FBN3: variants seen among roughly 807,000 people sequenced by gnomAD.
FBN3 encodes the protein fibrillin 3.
A neutral mutation model predicts 330.1 loss-of-function variants in FBN3; 234 were observed. The ratio of observed to expected loss-of-function variants is 0.71; its 90% CI spans 0.64 to 0.79. FBN3 has a LOEUF of 0.79. Ranked by LOEUF, FBN3 falls within the 30% of genes least tolerant of loss-of-function variation. The pLI is 0.00. For missense variants in FBN3, 3,606 were observed against 3,886.9 expected (o/e 0.93, Z 1.92); for synonymous variants, 1,458 against 1,517.3 (o/e 0.96, Z 0.91).
intron 40 of FBN3, among the ~76,000 whole-genome samples, chr19:8,102,511 C>G (rs1011950197): frequency 6.6e-6 from 1 of 152,182 alleles, no homozygotes; most frequent in South Asian, 2.1e-4. Context: ...AGCCACCACA[C>G]CCAGCCAAAC....
intron 10 of FBN3, 81 bp downstream of exon 10, chr19:8,138,060 G>C (rs1531547): frequency 0.91 from 1,314,138 of 1,437,216 alleles, 601,698 homozygotes; most frequent in African/African-American, 0.96. Flanking sequence ...CCTGGACACC[G>C]TCCCCTGTTT....
Position 8,123,494 on chromosome 19 carries a change from C to T in FBN3, c.3052G>A (p.Ala1018Thr), listed in dbSNP as rs140271593. The change falls in exon 24 of 64, where the codon GCC becomes ACC. Residue 1018 changes from alanine (A) to threonine (T), a missense_variant. Coordinates refer to ENST00000600128, the MANE Select transcript of FBN3 (RefSeq NM_032447.5). ...CAGTTCCGTTCCTGGGCATCCAGGG[C>T]GAAGCCCCCCGCACAGGCGCAGTGG... The part of the protein sequence containing the change: ...SFHCACAGGF[A>T]LDAQERNCTD... The T allele has an allele frequency of 1.5e-5, 25 of 1,613,832 alleles. No individual in the cohort carries two copies. The highest frequency in any genetic ancestry group is 1.6e-4 in the Middle Eastern group (1 of 6,084).
chr19:8,148,797 G>A (rs963406317), intron 1 of FBN3: 14 of 152,456 alleles, frequency 9.2e-5, no homozygotes, highest in Admixed American at 7.8e-4. Context: ...CAACGTTGGA[G>A]GGTTGGCTGG....
At chr19:8,080,597 A>G (rs548807363) in intron 59 of FBN3, among the ~76,000 whole-genome samples, 7 of 152,212 alleles carry the variant, frequency 4.6e-5, no homozygotes, top group Non-Finnish European at 7.4e-5. Flanking sequence ...CATGTCCCCA[A>G]TGTCCAATAC....
intron 63 of FBN3, among the ~76,000 whole-genome samples, chr19:8,068,230 C>CAAA (rs61181143): frequency 0.18 from 26,641 of 145,138 alleles, 3,049 homozygotes; most frequent in Middle Eastern, 0.29. Context: ...ACTAAAAATA[C>CAAA]AAAAAAAAAA....
chr19:8,079,436 AACAG>A (rs955299621), intron 59 of FBN3, among the ~76,000 whole-genome samples: 1 of 151,132 alleles, frequency 6.6e-6, no homozygotes, highest in African/African-American at 2.4e-5. Context: ...CAAACAAACA[AACAG>A]ACAGACAACA....
In FBN3 at chr19:8,145,947, A is replaced by G. The variant is rs1293781676; in HGVS notation, c.350-9T>C. The G allele has an allele frequency of 1.3e-6, 2 of 1,549,932 alleles. No homozygotes were observed. The highest frequency in any genetic ancestry group is 2.7e-5 in the African/African-American group (2 of 73,024). On this transcript the variant is annotated splice_polypyrimidine_tract_variant and intron_variant, in intron 4 of 63. Transcript: ENST00000600128. The stretch of plus-strand genomic sequence containing the variant: ...CACACTGCACCCTGACCCTGGGGAC[A>G]GGAAGGCAGGACGCATAGTAATGTG...
rs779591488 is a variant in FBN3, at chr19:8,136,307, C to A, written c.1348G>T (p.Val450Leu). The stretch of plus-strand genomic sequence containing the variant: ...CAGGGGCTGCTGGTGCATTCGTCTA[C>A]ATCTGAGGGGAGAGGACCCTGAGCC... ...TQDVRGECID[V>L]DECTSSPCHH... The change falls in exon 12 of 64, where the codon GTA becomes TTA. Residue 450 changes from valine (V) to leucine (L), a missense_variant and splice_region_variant. Transcript: ENST00000600128. The A allele has an allele frequency of 1.2e-6, 2 of 1,602,108 alleles. No individual in the cohort carries two copies. Among genetic ancestry groups the A allele is most frequent in the Non-Finnish European group, 1.7e-6 (2 of 1,174,704 alleles).
rs527308526 is a variant in FBN3 at position 8,084,897 on chromosome 19, T to G, written c.7087+466A>C. 2.0e-5 allele frequency among the ~76,000 whole-genome samples: 3 copies of G among 151,124 alleles called. No individual in the cohort carries two copies. In the South Asian group the frequency reaches 6.3e-4, roughly 32 times the overall value. On this transcript the variant is annotated intron_variant, in intron 56 of 63. Transcript: ENST00000600128. Reference sequence around the variant, plus strand: ...GCCACTGTGCCCGGCCTATTTTTATTGCTTTTGGAGACGAGGTCTTGCTCT... The same window carrying G: ...GCCACTGTGCCCGGCCTATTTTTATGGCTTTTGGAGACGAGGTCTTGCTCT...
In FBN3 at chr19:8,136,378, C is replaced by T. The variant is rs765743977; in HGVS notation, c.1345+10G>A. 6.8e-6 allele frequency: 11 copies of T among 1,611,396 alleles called. No homozygotes were observed. The African/African-American group carries it at 8.0e-5, about 12-fold the overall frequency. The stretch of plus-strand genomic sequence containing the variant: ...AGAACCGCCCCCCCTTCCACCTGGC[C>T]GCGGCTCACCAATGCACTCGCCGCG... On this transcript the variant is annotated intron_variant, in intron 11 of 63. Coordinates refer to ENST00000600128, the MANE Select transcript of FBN3 (RefSeq NM_032447.5).
intron 63 of FBN3, among the ~76,000 whole-genome samples, chr19:8,069,014 A>C (rs746296219): frequency 6.6e-6 from 1 of 152,134 alleles, no homozygotes; most frequent in Non-Finnish European, 1.5e-5. Flanking sequence ...CCAGAGCCCT[A>C]AGGTCACTCA....
chr19:8,065,826 A>C lies in FBN3; in HGVS notation c.*93T>G. 9.3e-7 allele frequency: 1 copy of C among 1,079,624 alleles called. No homozygotes were observed. The highest frequency in any genetic ancestry group is 1.3e-6 in the Non-Finnish European group (1 of 748,192). 66.9% of individuals were successfully genotyped at this position (1,079,624 alleles called of 1,614,324 possible). A position where few individuals can be genotyped will look rare whatever the true frequency, so the allele number is the denominator to read the frequency against. The stretch of plus-strand genomic sequence containing the variant: ...TCACTCTTCCTGAGTTTCGGGGTTC[A>C]ATCTGGTCAGCCATCGCTTCTGGGG... On this transcript the variant is annotated 3_prime_UTR_variant, in exon 64 of 64. Transcript: ENST00000600128.
chr19:8,095,318 G>T, intron 46 of FBN3, 57 bp downstream of exon 46: 1 of 1,558,178 alleles, frequency 6.4e-7, no homozygotes, highest in Non-Finnish European at 8.7e-7. Context: ...ACCAAACTGT[G>T]GTGTACATGG....
In FBN3 at chr19:8,141,963, T is replaced by G; in HGVS notation, c.716A>C (p.Asn239Thr). ...ACCTTGGCAGGCCCCCGTGTGGATATTGGGGATGAAGCCGCGGCGGCAGGG... is the reference window on the plus strand; with the variant it reads ...ACCTTGGCAGGCCCCCGTGTGGATAGTGGGGATGAAGCCGCGGCGGCAGGG... ...PHPCRRGFIPNIHTGACQDVD... is the reference protein window; with the variant it reads ...PHPCRRGFIPTIHTGACQDVD... Residue 239 changes from asparagine (N) to threonine (T), a missense_variant, in exon 7 of 64, where the codon AAT (asparagine) becomes ACT (threonine). Coordinates refer to ENST00000600128, the MANE Select transcript of FBN3 (RefSeq NM_032447.5). 1.2e-6 allele frequency: 2 copies of G among 1,614,174 alleles called. No homozygotes were observed. The highest frequency in any genetic ancestry group is 8.5e-7 in the Non-Finnish European group (1 of 1,180,020).
At chr19:8,069,507 C>T (rs1388286364) in intron 63 of FBN3, among the ~76,000 whole-genome samples, 1 of 152,120 alleles carries the variant, frequency 6.6e-6, no homozygotes, top group Non-Finnish European at 1.5e-5. Flanking sequence ...AGATCTCAGG[C>T]CTTCTTCCCA....
intron 41 of FBN3, among the ~76,000 whole-genome samples, chr19:8,099,362 G>A (rs1342415059): frequency 7.3e-6 from 1 of 137,652 alleles, no homozygotes; most frequent in Non-Finnish European, 1.5e-5. Flanking sequence ...CTCACTGCAA[G>A]CTCCATCTCC....
In FBN3 at chr19:8,106,233, T is replaced by C; in HGVS notation, c.4688A>G (p.Asp1563Gly). 1 of 1,614,108 alleles carries C rather than the reference T, an allele frequency of 6.2e-7. No individual in the cohort carries two copies. The highest frequency in any genetic ancestry group is 8.5e-7 in the Non-Finnish European group (1 of 1,180,004). ...TGGCAGCTCTTGGCACTCGTCGATG[T>C]CTGTCAGGAAGTAAGGAAGCCAAGC... Reference protein sequence around the residue: ...QPNRITVILEDIDECQELPGL... With the variant: ...QPNRITVILEGIDECQELPGL... Residue 1563 changes from aspartate to glycine, a missense_variant and splice_region_variant, in exon 38 of 64, where the codon GAC becomes GGC. Asp to Gly is a moderately conservative substitution (Grantham distance 94). Coordinates refer to ENST00000600128, the MANE Select transcript of FBN3 (RefSeq NM_032447.5).
chr19:8,071,978 G>A (rs1442847234), intron 63 of FBN3, 70 bp downstream of exon 63: 5 of 1,463,638 alleles, frequency 3.4e-6, no homozygotes, highest in South Asian at 1.3e-5. Context: ...TGACTAAGTC[G>A]GGTCCACAGC....
chr19:8,103,077 G>A (rs1483931037), intron 39 of FBN3, among the ~76,000 whole-genome samples: 4 of 151,234 alleles, frequency 2.6e-5, no homozygotes, highest in Admixed American at 6.6e-5. Context: ...GACCAGCCTG[G>A]CCAACATGGT....
Sources: gnomAD v4.1 joint callset for allele counts (sites outside exome capture counted in the v4.1 genomes callset) on GRCh38, gnomAD v4.1.1 for gene constraint, MANE v1.5 for transcripts, NCBI Gene and HGNC (gene_info 2026-07-23, HGNC 2026-07-21) for gene names.